Variants in FNDC7 observed in about 807,000 individuals in gnomAD.
FNDC7 encodes fibronectin type III domain containing 7.
In FNDC7, 66 loss-of-function variants were observed where a neutral mutation model predicts 74.2. The ratio of observed to expected loss-of-function variants is 0.89; its 90% CI spans 0.73 to 1.09. The LOEUF is 1.09. Ranked by LOEUF, FNDC7 falls within the 50% of genes least tolerant of loss-of-function variation. FNDC7 has a pLI of 0.00. For missense variants in FNDC7, 829 were observed against 893.4 expected (o/e 0.93, Z 0.92); for synonymous variants, 307 against 330.2 (o/e 0.93, Z 0.76).
chr1:108,735,361 G>A (rs1399025022), intron 10 of FNDC7, among the ~76,000 whole-genome samples: 1 of 152,076 alleles, frequency 6.6e-6, no homozygotes. Flanking sequence ...CAGGACACTG[G>A]TCCAATTGTG....
rs760175523 is a variant in FNDC7, at chr1:108,728,647, A to C, written c.1385A>C (p.Glu462Ala). The C allele has an allele frequency of 7.4e-6, 12 of 1,614,216 alleles. No homozygotes were observed. The highest frequency in any genetic ancestry group is 1.0e-5 in the Non-Finnish European group (12 of 1,180,028). Residue 462 changes from glutamate (E) to alanine (A), a missense_variant, in exon 8 of 13, where the codon GAA (glutamate) becomes GCA (alanine). Glu to Ala is a moderately radical substitution (Grantham distance 107, BLOSUM62 -1). Transcript: ENST00000370017. The part of the protein sequence containing the change: ...QFITTAPCSP[E>A]IKNVSRDAFS... ...AATGTCTTAGCTCCTTGCAGTCCTG[A>C]AATAAAAAATGTTTCAAGGGATGCA...
At chr1:108,736,756 A>C (rs1043941857) in intron 10 of FNDC7, among the ~76,000 whole-genome samples, 2 of 152,176 alleles carry the variant, frequency 1.3e-5, no homozygotes, top group East Asian at 3.9e-4. Flanking sequence ...TCCTTTGCTC[A>C]GTGTCCCTGG....
intron 3 of FNDC7, 134 bp downstream of exon 3, chr1:108,718,165 C>T: frequency 2.5e-6 from 3 of 1,181,546 alleles, no homozygotes; most frequent in Non-Finnish European, 3.5e-6. Context: ...GTGAAAGCTA[C>T]CAAATGATGC....
chr1:108,718,642 G>A (rs1661028213), intron 3 of FNDC7, 147 bp from the exon 4 acceptor site: 1 of 824,418 alleles, frequency 1.2e-6, no homozygotes. Flanking sequence ...CACTTAAATA[G>A]CAATTATTTA....
intron 5 of FNDC7, among the ~76,000 whole-genome samples, chr1:108,725,499 C>G (rs897327579): frequency 1.3e-5 from 2 of 152,126 alleles, no homozygotes; most frequent in Non-Finnish European, 2.9e-5. Context: ...AACAATATTT[C>G]ATATAACAAG....
At chr1:108,716,320 G>GGGGTGT (rs1388240203) in intron 2 of FNDC7, among the ~76,000 whole-genome samples, 1 of 95,770 alleles carries the variant, frequency 1.0e-5, no homozygotes, top group African/African-American at 3.8e-5. Flanking sequence ...GCAGAAGAGA[G>GGGGTGT]GTGTGTGTGT....
chr1:108,725,174 C>T (rs563252814), intron 5 of FNDC7, among the ~76,000 whole-genome samples: 1 of 151,842 alleles, frequency 6.6e-6, no homozygotes, highest in African/African-American at 2.4e-5. Context: ...ACAGATAAAC[C>T]CCCAGAAAGA....
At chr1:108,716,373 G>C (rs1261430462) in intron 2 of FNDC7, among the ~76,000 whole-genome samples, 2 of 133,208 alleles carry the variant, frequency 1.5e-5, no homozygotes, top group Admixed American at 1.5e-4. Context: ...GTGTGTGTGT[G>C]TGTTGGAAGA....
At chr1:108,727,116 A>T (rs1661237033) in intron 6 of FNDC7, among the ~76,000 whole-genome samples, 1 of 152,174 alleles carries the variant, frequency 6.6e-6, no homozygotes, top group Non-Finnish European at 1.5e-5. Flanking sequence ...ACTTGAGGTC[A>T]GGAGTTGAGA....
Position 108,714,605 on chromosome 1 carries a change from A to ATTTTTTTTTTTTTTTTTTTTTTTTT in FNDC7, c.82+1097_82+1098insTTTTTTTTTTTTTTTTTTTTTTTTT, listed in dbSNP as rs71098692. 5.9e-5 allele frequency among the ~76,000 whole-genome samples: 6 copies of ATTTTTTTTTTTTTTTTTTTTTTTTT among 102,164 alleles called. 2 individuals are homozygous for ATTTTTTTTTTTTTTTTTTTTTTTTT. The highest frequency in any genetic ancestry group is 9.4e-5 in the Non-Finnish European group (5 of 53,452). The allele number at this position is 102,164 out of a possible 152,430, so 67.0% of individuals were successfully genotyped here. On this transcript the variant is annotated intron_variant, in intron 2 of 12. Transcript: ENST00000370017. ...TCTGCTTGGCCATATACAAAGTGGC[A>ATTTTTTTTTTTTTTTTTTTTTTTTT]TTTTTTTTTTTTTTTTTTTTTGAGA... is the stretch of plus-strand genomic sequence containing the variant.
rs970723528 is a variant in FNDC7, at chr1:108,722,452, C to T, written c.716C>T (p.Ser239Phe). The T allele has an allele frequency of 9.3e-6, 15 of 1,614,250 alleles. No homozygotes were observed. The highest frequency in any genetic ancestry group is 1.1e-5 in the South Asian group (1 of 91,084). Residue 239 changes from serine to phenylalanine, a missense_variant, in exon 5 of 13, where the codon TCT (serine) becomes TTT (phenylalanine). Physicochemically the swap from Ser to Phe is radical, Grantham distance 155. Coordinates refer to ENST00000370017, the MANE Select transcript of FNDC7 (RefSeq NM_001144937.3). ...TATACTGTGATGGCTTTGAGCGACT[C>T]TTCAGAGCTGACCTGCAGTACAACT... is the stretch of plus-strand genomic sequence containing the variant. ...FNYTVMALSDSSELTCSTTFS... is the reference protein window; with the variant it reads ...FNYTVMALSDFSELTCSTTFS...
At chr1:108,722,972 G>A (rs1340862765) in intron 5 of FNDC7, among the ~76,000 whole-genome samples, 2 of 110,548 alleles carry the variant, frequency 1.8e-5, no homozygotes, top group Non-Finnish European at 4.2e-5. Context: ...CTTGGTGGGA[G>A]CCGCCATTTT....
At chr1:108,722,635 G>C in intron 5 of FNDC7, 43 bp downstream of exon 5, 1 of 1,574,526 alleles carries the variant, frequency 6.4e-7, no homozygotes, top group Non-Finnish European at 8.6e-7. Flanking sequence ...TTGCAGCCCT[G>C]ACTGCTGTAA....
At chr1:108,738,858 A>C (rs1208001538) in intron 11 of FNDC7, among the ~76,000 whole-genome samples, 1 of 152,228 alleles carries the variant, frequency 6.6e-6, no homozygotes, top group Non-Finnish European at 1.5e-5. Flanking sequence ...GACTACAAAA[A>C]GGAACAGACT....
intron 10 of FNDC7, chr1:108,734,204 A>T (rs959127156): frequency 6.6e-6 from 1 of 152,230 alleles, no homozygotes; most frequent in Non-Finnish European, 1.5e-5. Context: ...GTTGGAAATT[A>T]GGAAACTTGA....
At position 108,730,912 on chromosome 1, in the gene FNDC7, C is replaced by T; in HGVS notation, c.1863C>T (p.Tyr621=). Residue 621 remains tyrosine, a synonymous_variant, in exon 9 of 13, where the codon TAC becomes TAT. Coordinates refer to ENST00000370017, the MANE Select transcript of FNDC7 (RefSeq NM_001144937.3). ...CCGGGTTGACTGCAGATTGCTCCTA[C>T]CAAAGTTATTTCTCTGGTAAGTGAA... ...SATGLTADCS[Y]QSYFSGACCP... 1 of 1,611,166 alleles carries T rather than the reference C, an allele frequency of 6.2e-7. No homozygotes were observed. Among genetic ancestry groups the T allele is most frequent in the South Asian group, 1.1e-5 (1 of 90,530 alleles).
At chr1:108,715,528 C>T (rs1333124) in intron 2 of FNDC7, among the ~76,000 whole-genome samples, 79,863 of 152,070 alleles carry the variant, frequency 0.53, 23,191 homozygotes, top group East Asian at 0.8. Flanking sequence ...ATCTCTCTCT[C>T]CAGCCTGTGT....
In FNDC7 at chr1:108,727,919, G is replaced by T; in HGVS notation, c.1223G>T (p.Gly408Val). The T allele has an allele frequency of 6.2e-7, 1 of 1,614,160 alleles. No individual in the cohort carries two copies. The highest frequency in any genetic ancestry group is 1.3e-5 in the African/African-American group (1 of 75,032). Residue 408 changes from glycine to valine, a missense_variant, in exon 7 of 13, where the codon GGG becomes GTG. By Grantham distance (109) the Gly-to-Val change is moderately radical. Coordinates refer to ENST00000370017, the MANE Select transcript of FNDC7 (RefSeq NM_001144937.3). Reference protein sequence around the residue: ...AELYETKAVDGYNMVECNDTT... With the variant: ...AELYETKAVDVYNMVECNDTT... ...CTGTATGAAACCAAGGCTGTAGATGGGTACAACATGGTTGAGTGCAATGAC... is the reference window on the plus strand; with the variant it reads ...CTGTATGAAACCAAGGCTGTAGATGTGTACAACATGGTTGAGTGCAATGAC...
Position 108,742,672 on chromosome 1 carries a change from C to T in FNDC7, c.*785C>T, listed in dbSNP as rs1661677430. 1 of 152,194 alleles carries T rather than the reference C, an allele frequency of 6.6e-6. No homozygotes were observed. The highest frequency in any genetic ancestry group is 6.5e-5 in the Admixed American group (1 of 15,280). The allele number at this position is 152,194 out of a possible 1,614,324, so 9.4% of individuals were successfully genotyped here. ...TCCATCTTATTGGCCATATCCCCCA[C>T]TCATATTGTAATTACTTTTTTCATC... On this transcript the variant is annotated 3_prime_UTR_variant, in exon 13 of 13. Transcript: ENST00000370017.
Sources: gnomAD v4.1 joint callset for allele counts (sites outside exome capture counted in the v4.1 genomes callset) on GRCh38, gnomAD v4.1.1 for gene constraint, MANE v1.5 for transcripts, NCBI Gene and HGNC (gene_info 2026-07-23, HGNC 2026-07-21) for gene names.